The following FHOD3 variants were observed in gnomAD, a reference collection of about 807,000 sequenced individuals.
FHOD3 encodes FH1/FH2 domain-containing protein 3.
In FHOD3, 90 loss-of-function variants were observed where a neutral mutation model predicts 173.0. The ratio of observed to expected loss-of-function variants is 0.52; its 90% CI spans 0.44 to 0.62. The LOEUF (loss-of-function observed/expected upper bound fraction) is 0.62. Ranked by LOEUF, FHOD3 falls within the 20% of genes least tolerant of loss-of-function variation. The pLI is 0.00. For missense variants in FHOD3, 1,945 were observed against 2,034.7 expected (o/e 0.96, Z 0.85); for synonymous variants, 828 against 823.0 (o/e 1.01, Z -0.10).
chr18:36,536,478 A>G (rs2056996889), intron 5 of FHOD3, among the ~76,000 whole-genome samples: 1 of 152,230 alleles, frequency 6.6e-6, no homozygotes, highest in African/African-American at 2.4e-5. Context: ...AGTTGGCTGT[A>G]GACAGGGGTC....
intron 3 of FHOD3, among the ~76,000 whole-genome samples, chr18:36,427,256 A>G (rs1012413708): frequency 1.4e-5 from 2 of 147,422 alleles, no homozygotes; most frequent in African/African-American, 5.0e-5. Context: ...AGAGGAATTC[A>G]TCTTAAAACT....
chr18:36,437,995 A>C (rs2050912697), intron 3 of FHOD3, among the ~76,000 whole-genome samples: 1 of 151,918 alleles, frequency 6.6e-6, no homozygotes, highest in Non-Finnish European at 1.5e-5. Context: ...GTTTTATTTC[A>C]GTGGCATCCC....
chr18:36,449,013 T>A (rs2051666186), intron 3 of FHOD3, among the ~76,000 whole-genome samples: 2 of 150,800 alleles, frequency 1.3e-5, no homozygotes, highest in African/African-American at 4.9e-5. Flanking sequence ...ATCTGGGGAG[T>A]GATAGAAAGG....
chr18:36,690,291 G>A (rs1284912038), intron 16 of FHOD3, among the ~76,000 whole-genome samples: 2 of 152,158 alleles, frequency 1.3e-5, no homozygotes, highest in Non-Finnish European at 2.9e-5. Context: ...AGGATAAACG[G>A]GAATGTTTGG....
intron 6 of FHOD3, among the ~76,000 whole-genome samples, chr18:36,588,080 A>G (rs12966876): frequency 0.29 from 43,447 of 152,170 alleles, 6,735 homozygotes; most frequent in Admixed American, 0.37. Context: ...AACAAGACCC[A>G]GAGTTCTGTA....
chr18:36,496,951 G>C (rs1404216376), intron 3 of FHOD3, among the ~76,000 whole-genome samples: 2 of 152,168 alleles, frequency 1.3e-5, no homozygotes, highest in African/African-American at 4.8e-5. Context: ...AGCATTTTAA[G>C]GGAAATTTCA....
intron 9 of FHOD3, among the ~76,000 whole-genome samples, chr18:36,612,480 T>C (rs2032787310): frequency 6.6e-6 from 1 of 152,126 alleles, no homozygotes; most frequent in African/African-American, 2.4e-5. Flanking sequence ...CAGGGCCAGA[T>C]ACATGATTTG....
chr18:36,401,018 G>T (rs1439570526), intron 3 of FHOD3, among the ~76,000 whole-genome samples: 1 of 152,174 alleles, frequency 6.6e-6, no homozygotes, highest in East Asian at 1.9e-4. Flanking sequence ...GGGAGGGGTG[G>T]ATCACTCTTG....
At chr18:36,468,671 G>A (rs1224336292) in intron 3 of FHOD3, among the ~76,000 whole-genome samples, 1 of 152,164 alleles carries the variant, frequency 6.6e-6, no homozygotes, top group East Asian at 1.9e-4. Context: ...AGGAATTTGT[G>A]GCTTTGAGAT....
At chr18:36,399,049 A>G (rs1381843807) in intron 3 of FHOD3, among the ~76,000 whole-genome samples, 1 of 152,080 alleles carries the variant, frequency 6.6e-6, no homozygotes, top group Non-Finnish European at 1.5e-5. Flanking sequence ...ATTTTCCAGG[A>G]TTGGAGGAGA....
chr18:36,754,806 G>T (rs1007690672), intron 24 of FHOD3, among the ~76,000 whole-genome samples: 1 of 151,292 alleles, frequency 6.6e-6, no homozygotes, highest in African/African-American at 2.4e-5. Context: ...ACACAGATAC[G>T]CAAAGTGAAA....
intron 16 of FHOD3, among the ~76,000 whole-genome samples, chr18:36,692,512 T>G (rs2039026130): frequency 2.0e-5 from 3 of 152,352 alleles, no homozygotes; most frequent in Non-Finnish European, 2.9e-5. Flanking sequence ...CTGGTCTTAA[T>G]AAACAGTTAG....
At position 36,770,726 on chromosome 18, in the gene FHOD3, G is replaced by T. The variant is rs192158312; in HGVS notation, c.4786+1300G>T. On this transcript the variant is annotated intron_variant, in intron 28 of 28. Transcript: ENST00000590592. ...TGAGTAACAAGGCTCTTGAGCTGTG[G>T]TTCTCAACCCTGGATACACATTAGA... Among the ~76,000 whole-genome samples, 15 of 152,276 alleles carry T rather than the reference G, an allele frequency of 9.9e-5. No homozygotes were observed. The East Asian group carries it at 2.9e-3, about 29-fold the overall frequency.
chr18:36,440,925 C>T (rs73421007), intron 3 of FHOD3, among the ~76,000 whole-genome samples: 1,877 of 152,186 alleles, frequency 0.012, 32 homozygotes, highest in African/African-American at 0.042. Flanking sequence ...TATCTCCACC[C>T]GCCACCCTCC....
At chr18:36,486,780 ATAGTTTCCTTCATG>A (rs2054214709) in intron 3 of FHOD3, among the ~76,000 whole-genome samples, 1 of 152,156 alleles carries the variant, frequency 6.6e-6, no homozygotes, top group Non-Finnish European at 1.5e-5. Flanking sequence ...ATATTTTCCC[ATAGTTTCCTTCATG>A]TATTTTCCCT....
At chr18:36,395,546 T>TC (rs1298400054) in intron 3 of FHOD3, among the ~76,000 whole-genome samples, 5 of 152,202 alleles carry the variant, frequency 3.3e-5, no homozygotes, top group Non-Finnish European at 5.9e-5. Context: ...TTCTTTTTTT[T>TC]CATAATAATT....
chr18:36,765,721 C>T (rs1609425), intron 27 of FHOD3, among the ~76,000 whole-genome samples: 19,134 of 152,020 alleles, frequency 0.13, 1,336 homozygotes, highest in Admixed American at 0.16. Flanking sequence ...TTAGCAGAGA[C>T]TGATCACAGC....
At chr18:36,526,700 G>A (rs1233130557) in intron 5 of FHOD3, among the ~76,000 whole-genome samples, 1 of 152,180 alleles carries the variant, frequency 6.6e-6, no homozygotes, top group Non-Finnish European at 1.5e-5. Flanking sequence ...ACCATGCCTG[G>A]CCCATAATTC....
chr18:36,694,353 C>G (rs570292416), intron 17 of FHOD3, among the ~76,000 whole-genome samples: 1 of 152,330 alleles, frequency 6.6e-6, no homozygotes, highest in African/African-American at 2.4e-5. Context: ...ACGATATTGT[C>G]TGTCCAATTC....
Sources: gnomAD v4.1 joint callset for allele counts (sites outside exome capture counted in the v4.1 genomes callset) on GRCh38, gnomAD v4.1.1 for gene constraint, MANE v1.5 for transcripts, NCBI Gene and HGNC (gene_info 2026-07-23, HGNC 2026-07-21) for gene names.